Variants in KDM6A observed in about 807,000 individuals in gnomAD.
KDM6A encodes the protein lysine-specific demethylase 6A.
KDM6A carries 11 observed loss-of-function variants against 117.6 expected under a neutral mutation model. That is an observed-to-expected ratio of 0.09 (90% confidence interval 0.06 to 0.15). The LOEUF is 0.15. Ranked by LOEUF, KDM6A falls within the 10% of genes least tolerant of loss-of-function variation. The pLI, the probability that KDM6A is intolerant of heterozygous loss-of-function variation, is 1.00. For missense variants in KDM6A, 799 were observed against 1,077.3 expected (o/e 0.74, Z 3.62); for synonymous variants, 384 against 396.1 (o/e 0.97, Z 0.36).
At chrX:45,077,354 A>G (rs1187073139) in intron 19 of KDM6A, among the ~76,000 whole-genome samples, 1 of 111,517 alleles carries the variant, frequency 9.0e-6, no homozygotes, top group African/African-American at 3.2e-5. Context: ...AGTCATTAGC[A>G]GTTCAATCAA....
chrX:44,990,161 A>G (rs958260265), intron 4 of KDM6A, among the ~76,000 whole-genome samples: 1 of 112,155 alleles, frequency 8.9e-6, no homozygotes, highest in Non-Finnish European at 1.9e-5. Flanking sequence ...GTGAAATACG[A>G]TAGTGCTGGA....
intron 7 of KDM6A, among the ~76,000 whole-genome samples, chrX:45,037,402 T>C (rs2042864449): frequency 8.9e-6 from 1 of 112,487 alleles, no homozygotes; most frequent in Non-Finnish European, 1.9e-5. Flanking sequence ...ATTTTAATAA[T>C]TGCATTGACA....
At chrX:44,994,653 A>G (rs1178696895) in intron 4 of KDM6A, among the ~76,000 whole-genome samples, 1 of 111,801 alleles carries the variant, frequency 8.9e-6, no homozygotes, top group Non-Finnish European at 1.9e-5. Flanking sequence ...AATTCTCAAC[A>G]AGGCAAGGTA....
At chrX:44,998,898 A>G (rs1447896854) in intron 4 of KDM6A, among the ~76,000 whole-genome samples, 4 of 112,039 alleles carry the variant, frequency 3.6e-5, no homozygotes, top group Non-Finnish European at 7.5e-5. Flanking sequence ...ATTATTTAGA[A>G]CCTAATTACT....
intron 10 of KDM6A, among the ~76,000 whole-genome samples, chrX:45,055,988 A>G (rs1461266957): frequency 9.2e-6 from 1 of 108,495 alleles, no homozygotes; most frequent in Admixed American, 9.7e-5. Flanking sequence ...TTTAATCATC[A>G]GTATTTCAGT....
In KDM6A at chrX:45,069,833, G is replaced by A. The variant is rs772137452; in HGVS notation, c.2334G>A (p.Thr778=). 6 of 1,209,226 alleles carry A rather than the reference G, an allele frequency of 5.0e-6. No homozygotes were observed. The highest frequency in any genetic ancestry group is 3.0e-5 in the East Asian group (1 of 33,710). ...GCAAGCCTTCAGGAAACATATTGAC[G>A]GTGCCTGAAACAAGCAGGCACACTG... ...KESKPSGNIL[T]VPETSRHTGE... The change falls in exon 18 of 30, where the codon ACG becomes ACA. Residue 778 remains threonine, a synonymous_variant. Coordinates refer to ENST00000611820, the MANE Select transcript of KDM6A (RefSeq NM_001291415.2).
chrX:44,947,168 C>G (rs966601405), intron 2 of KDM6A, among the ~76,000 whole-genome samples: 3 of 111,042 alleles, frequency 2.7e-5, no homozygotes, highest in East Asian at 2.8e-4. Flanking sequence ...GCCCTACCCC[C>G]CATCTCCCCA....
At chrX:44,992,087 C>T (rs1248640839) in intron 4 of KDM6A, among the ~76,000 whole-genome samples, 1 of 110,124 alleles carries the variant, frequency 9.1e-6, no homozygotes, top group Non-Finnish European at 1.9e-5. Flanking sequence ...GAGTAAATTA[C>T]AGATAACATG....
intron 4 of KDM6A, among the ~76,000 whole-genome samples, chrX:45,006,693 A>T (rs911438159): frequency 2.7e-5 from 3 of 109,115 alleles, no homozygotes; most frequent in African/African-American, 1.1e-4. Context: ...TAATCGAAAA[A>T]GGTTGCTTTG....
chrX:44,919,765 A>T (rs1164344504), intron 2 of KDM6A, among the ~76,000 whole-genome samples: 1 of 108,356 alleles, frequency 9.2e-6, no homozygotes, highest in African/African-American at 3.4e-5. Context: ...GTGCACCACC[A>T]TGCCCAGCTA....
chrX:45,101,823 A>C (rs1319153918), intron 27 of KDM6A, among the ~76,000 whole-genome samples: 2 of 111,938 alleles, frequency 1.8e-5, no homozygotes, highest in African/African-American at 6.5e-5. Context: ...GGAATTTGAC[A>C]TGTCAAGTTC....
chrX:44,986,428 T>A (rs1163026255), intron 4 of KDM6A, among the ~76,000 whole-genome samples: 1 of 111,680 alleles, frequency 9.0e-6, no homozygotes. Flanking sequence ...TGCTCTGATC[T>A]TAGTTATTTC....
intron 25 of KDM6A, among the ~76,000 whole-genome samples, chrX:45,088,126 A>G (rs780268377): frequency 3.7e-4 from 41 of 111,689 alleles, no homozygotes; most frequent in Non-Finnish European, 6.8e-4. Flanking sequence ...TGTAATGGCA[A>G]TACATGGGTG....
At chrX:45,075,822 A>G (rs1433399112) in intron 18 of KDM6A, among the ~76,000 whole-genome samples, 1 of 111,725 alleles carries the variant, frequency 9.0e-6, no homozygotes. Context: ...AATAATTGAA[A>G]ATTTCAAATT....
At chrX:44,985,371 T>C (rs1246248267) in intron 4 of KDM6A, among the ~76,000 whole-genome samples, 1 of 111,567 alleles carries the variant, frequency 9.0e-6, no homozygotes, top group Non-Finnish European at 1.9e-5. Flanking sequence ...CAATTTTACT[T>C]CCTCTTTTCC....
At chrX:45,038,709 T>G (rs1226811265) in intron 8 of KDM6A, among the ~76,000 whole-genome samples, 1 of 110,092 alleles carries the variant, frequency 9.1e-6, no homozygotes, top group Non-Finnish European at 1.9e-5. Context: ...CCATGGCACA[T>G]GTATACCTAT....
At chrX:44,934,821 AT>A (rs1569456397) in intron 2 of KDM6A, among the ~76,000 whole-genome samples, 1 of 111,550 alleles carries the variant, frequency 9.0e-6, no homozygotes, top group African/African-American at 3.3e-5. Context: ...AAATGTTAGA[AT>A]TCTAGATAGG....
rs769494996 is a variant in KDM6A, at chrX:45,001,721, TCTTAA to T, written c.385-9236_385-9232del. Among the ~76,000 whole-genome samples the T allele has an allele frequency of 2.0e-4, 22 of 111,750 alleles. No individual in the cohort carries two copies. In the South Asian group the frequency reaches 2.6e-3, roughly 13 times the overall value. On this transcript the variant is annotated intron_variant, in intron 4 of 29. Coordinates refer to ENST00000611820, the MANE Select transcript of KDM6A (RefSeq NM_001291415.2). ...AATAGATGAAAGAGAGTTAAATTTT[TCTTAA>T]CTTTAGTTTGATAGTGTTTTCCCCT...
chrX:44,955,348 A>G (rs1471194419), intron 2 of KDM6A, among the ~76,000 whole-genome samples: 2 of 111,164 alleles, frequency 1.8e-5, no homozygotes, highest in African/African-American at 6.5e-5. Context: ...ATACAGGAGA[A>G]TAAAGGAGAC....
Sources: gnomAD v4.1 joint callset for allele counts (sites outside exome capture counted in the v4.1 genomes callset) on GRCh38, gnomAD v4.1.1 for gene constraint, MANE v1.5 for transcripts, NCBI Gene and HGNC (gene_info 2026-07-23, HGNC 2026-07-21) for gene names.